TMEM163: variants seen among roughly 807,000 people sequenced by gnomAD.
TMEM163 encodes the protein transmembrane protein 163.
Under a neutral mutation model 29.3 loss-of-function variants are expected in TMEM163, and 17 were observed. The observed-to-expected ratio is 0.58, with a 90% CI of 0.40 to 0.87. The LOEUF (loss-of-function observed/expected upper bound fraction) is 0.87. Among genes scored for constraint, TMEM163 ranks in the 40% least tolerant of loss-of-function variants. The probability of loss-of-function intolerance (pLI) is 0.00; values close to 1 mark genes in which losing one functional copy is unlikely to be tolerated. For missense variants in TMEM163, 303 were observed against 381.5 expected, an observed-to-expected ratio of 0.79 and a Z score of 1.71; for synonymous variants, 157 against 160.6, an observed-to-expected ratio of 0.98 and a Z score of 0.17.
rs141745122 is a variant in TMEM163, at chr2:134,647,816, C to T, written c.322+65384G>A. ...CCACTGTGTTCCACCCCTCACAGAG[C>T]GGGGAGCACAGGTGAGTAGGTGCAG... On this transcript the variant is annotated intron_variant, in intron 2 of 7. Coordinates refer to ENST00000281924, the MANE Select transcript of TMEM163 (RefSeq NM_030923.5). Among the ~76,000 whole-genome samples the T allele has an allele frequency of 4.3e-4, 65 of 152,260 alleles. No individual in the cohort carries two copies. The East Asian group carries it at 0.012, about 27-fold the overall frequency.
intron 2 of TMEM163, among the ~76,000 whole-genome samples, chr2:134,609,080 A>G (rs7560853): frequency 2.6e-3 from 128 of 48,816 alleles, no homozygotes; most frequent in South Asian, 5.5e-3. Flanking sequence ...CGAGAACTGT[A>G]CTGGTGAAAA....
chr2:134,718,830 G>C lies in TMEM163; in HGVS notation c.106C>G (p.Leu36Val). 8.9e-7 allele frequency: 1 copy of C among 1,129,276 alleles called. No individual in the cohort carries two copies. The highest frequency in any genetic ancestry group is 1.1e-6 in the Non-Finnish European group (1 of 922,916). 70.0% of individuals were successfully genotyped at this position (1,129,276 alleles called of 1,614,324 possible). A position where few individuals can be genotyped will look rare whatever the true frequency, so the allele number is the denominator to read the frequency against. The change falls in exon 1 of 8, where the codon CTG (leucine) becomes GTG (valine). Residue 36 changes from leucine to valine, a missense_variant. Physicochemically the swap from Leu to Val is conservative, Grantham distance 32 (BLOSUM62 1). Around this residue, in one of 2 missense-constraint regions of TMEM163, gnomAD observed 100 missense variants for 87.2 expected, o/e 1.15. Coordinates refer to ENST00000281924, the MANE Select transcript of TMEM163 (RefSeq NM_030923.5). ...GGCGGCTCGCGCACCGGGGAGCTCA[G>C]CGGGGCCGGGCCGGGGGCGGCAGCC... ...PPAAAPGPAPLSSPVREPPQL... is the reference protein window; with the variant it reads ...PPAAAPGPAPVSSPVREPPQL...
At chr2:134,619,097 C>CA (rs1213067166) in intron 2 of TMEM163, among the ~76,000 whole-genome samples, 2 of 152,008 alleles carry the variant, frequency 1.3e-5, no homozygotes, top group African/African-American at 4.8e-5. Context: ...CCTACATATG[C>CA]AAAAAACTGA....
At chr2:134,617,620 G>T (rs1682637552) in intron 2 of TMEM163, among the ~76,000 whole-genome samples, 1 of 149,540 alleles carries the variant, frequency 6.7e-6, no homozygotes, top group African/African-American at 2.5e-5. Flanking sequence ...AAAAAAATCA[G>T]AGGAATTAAA....
intron 2 of TMEM163, among the ~76,000 whole-genome samples, chr2:134,620,441 G>C (rs1682705414): frequency 6.6e-6 from 1 of 152,040 alleles, no homozygotes; most frequent in Non-Finnish European, 1.5e-5. Flanking sequence ...TTTTTTAGTA[G>C]AGATGGGGTT....
chr2:134,602,919 A>G (rs1057440697), intron 2 of TMEM163, among the ~76,000 whole-genome samples: 2 of 151,750 alleles, frequency 1.3e-5, no homozygotes, highest in Non-Finnish European at 2.9e-5. Flanking sequence ...TGAGTCTACC[A>G]CCTGTATCTC....
intron 2 of TMEM163, among the ~76,000 whole-genome samples, chr2:134,598,107 T>C (rs1233833703): frequency 2.0e-5 from 3 of 152,168 alleles, no homozygotes; most frequent in Non-Finnish European, 4.4e-5. Context: ...TGTGTCTGTC[T>C]CCTTCAGTTC....
At chr2:134,478,027 T>C (rs2106478491) in intron 5 of TMEM163, among the ~76,000 whole-genome samples, 1 of 152,300 alleles carries the variant, frequency 6.6e-6, no homozygotes, top group South Asian at 2.1e-4. Context: ...TCAAGTTATT[T>C]CATGTGAGAT....
chr2:134,691,914 A>G (rs542273463), intron 2 of TMEM163, among the ~76,000 whole-genome samples: 2 of 152,296 alleles, frequency 1.3e-5, no homozygotes, highest in South Asian at 4.1e-4. Flanking sequence ...TACCTTAATA[A>G]GCAACAAATA....
intron 2 of TMEM163, among the ~76,000 whole-genome samples, chr2:134,594,616 C>G (rs926641420): frequency 3.7e-4 from 56 of 152,236 alleles, no homozygotes; most frequent in African/African-American, 1.3e-3. Flanking sequence ...TGCGGCAGAA[C>G]TGTAGATCAG....
chr2:134,610,252 T>TGG (rs1307424435), intron 2 of TMEM163, among the ~76,000 whole-genome samples: 5 of 152,200 alleles, frequency 3.3e-5, no homozygotes, highest in African/African-American at 1.2e-4. Flanking sequence ...ACAGAACCTA[T>TGG]GGAGGGCTCT....
chr2:134,581,979 T>C lies in TMEM163; in HGVS notation c.323-29888A>G, dbSNP rs1681704035. ...AAGCTGAAGGGTTTCCTTGTCACCA[T>C]GAGTGCGCATAGAAGTATCAACAGC... On this transcript the variant is annotated intron_variant, in intron 2 of 7. Coordinates refer to ENST00000281924, the MANE Select transcript of TMEM163 (RefSeq NM_030923.5). Among the ~76,000 whole-genome samples, 3 of 152,292 alleles carry C rather than the reference T, an allele frequency of 2.0e-5. No homozygotes were observed. The South Asian group carries it at 6.2e-4, about 32-fold the overall frequency.
chr2:134,701,658 C>T (rs1449659536), intron 2 of TMEM163, among the ~76,000 whole-genome samples: 1 of 152,156 alleles, frequency 6.6e-6, no homozygotes. Flanking sequence ...GCCTGTAATC[C>T]CTGCACTTTG....
intron 2 of TMEM163, among the ~76,000 whole-genome samples, chr2:134,650,378 T>C (rs1683441955): frequency 6.6e-6 from 1 of 152,098 alleles, no homozygotes; most frequent in African/African-American, 2.4e-5. Flanking sequence ...AGCAGCAAGA[T>C]TATAGGTGAT....
intron 2 of TMEM163, among the ~76,000 whole-genome samples, chr2:134,611,696 A>C (rs1478832106): frequency 6.6e-6 from 1 of 152,150 alleles, no homozygotes; most frequent in Non-Finnish European, 1.5e-5. Flanking sequence ...CCCATTTAAC[A>C]CATTTTCTTG....
chr2:134,718,630 G>A, intron 1 of TMEM163, 104 bp downstream of exon 1: 2 of 884,326 alleles, frequency 2.3e-6, no homozygotes, highest in South Asian at 5.3e-5. Flanking sequence ...GCGCCCCCGC[G>A]CGCTCCGAGC....
At chr2:134,697,638 C>T (rs971894154) in intron 2 of TMEM163, among the ~76,000 whole-genome samples, 1 of 151,620 alleles carries the variant, frequency 6.6e-6, no homozygotes, top group African/African-American at 2.4e-5. Flanking sequence ...CTAATTTTTA[C>T]ATTTTTAGTA....
chr2:134,463,105 T>C (rs1686587393), intron 6 of TMEM163, among the ~76,000 whole-genome samples: 1 of 152,194 alleles, frequency 6.6e-6, no homozygotes, highest in Non-Finnish European at 1.5e-5. Flanking sequence ...CCTTCCCTCC[T>C]GTTCCAGGTG....
chr2:134,635,426 T>A (rs1416062480), intron 2 of TMEM163, among the ~76,000 whole-genome samples: 1 of 152,158 alleles, frequency 6.6e-6, no homozygotes, highest in African/African-American at 2.4e-5. Context: ...TCTCTATCCC[T>A]CTTCCATCAA....
Sources: allele counts gnomAD v4.1 joint callset (sites outside exome capture counted in the v4.1 genomes callset), GRCh38; gene constraint gnomAD v4.1.1; regional missense constraint gnomAD v4.1.1; transcripts MANE v1.5; gene names NCBI Gene and HGNC (gene_info 2026-07-23, HGNC 2026-07-21).